The following ANK3 variants were observed in gnomAD, a reference collection of about 807,000 sequenced individuals.
ANK3 encodes the protein ankyrin-3.
In ANK3, 57 loss-of-function variants were observed where a neutral mutation model predicts 370.9. The observed-to-expected ratio is 0.15, with a 90% CI of 0.12 to 0.19. The LOEUF is 0.19. ANK3 is among the 10% of genes least tolerant of loss of function. The probability of loss-of-function intolerance (pLI) is 1.00; values close to 1 mark genes in which losing one functional copy is unlikely to be tolerated. For missense variants in ANK3, 4,439 were observed against 5,302.1 expected (o/e 0.84, Z 5.06); for synonymous variants, 1,929 against 1,946.3 (o/e 0.99, Z 0.23).
intron 2 of ANK3, among the ~76,000 whole-genome samples, chr10:60,427,533 A>G (rs993277809): frequency 6.6e-6 from 1 of 152,138 alleles, no homozygotes; most frequent in African/African-American, 2.4e-5. Flanking sequence ...GCCCTAAAAA[A>G]AAAAACCTCA....
intron 8 of ANK3, among the ~76,000 whole-genome samples, chr10:60,214,505 T>A (rs537904572): frequency 1.3e-5 from 2 of 152,126 alleles, no homozygotes; most frequent in East Asian, 3.9e-4. Context: ...CTAAGTTCCC[T>A]CCCCTCACCC....
At chr10:60,326,362 T>G (rs2049869481) in intron 1 of ANK3, among the ~76,000 whole-genome samples, 1 of 152,212 alleles carries the variant, frequency 6.6e-6, no homozygotes, top group Non-Finnish European at 1.5e-5. Flanking sequence ...AGCCTCCATG[T>G]GTCATTTGAC....
At chr10:60,179,772 G>A (rs1273174117) in intron 18 of ANK3, among the ~76,000 whole-genome samples, 7 of 151,918 alleles carry the variant, frequency 4.6e-5, no homozygotes, top group African/African-American at 1.2e-4. Flanking sequence ...CTCGTACATC[G>A]AGGGGCTGTG....
At position 60,279,043 on chromosome 10, in the gene ANK3, TACTG is replaced by T; in HGVS notation, c.315+3_315+6del. On this transcript the variant is annotated splice_donor_5th_base_variant and intron_variant, in intron 3 of 43. Coordinates refer to ENST00000280772, the MANE Select transcript of ANK3 (RefSeq NM_020987.5). ...GGTTCAAAAAGCATTAAATATGTGA[TACTG>T]ACCTTTGTAGCTGCATCCACATTGG... is the stretch of plus-strand genomic sequence containing the variant. 6.2e-7 allele frequency: 1 copy of T among 1,613,504 alleles called. No individual in the cohort carries two copies. Among genetic ancestry groups the T allele is most frequent in the East Asian group, 2.2e-5 (1 of 44,862 alleles).
chr10:60,558,128 C>T lies in ANK3; in HGVS notation c.96+57058G>A, dbSNP rs2077252234. ...AGCAAACCCCACCTATTACCCATTG[C>T]TTTGAAAAGATGAATTCAATACCTT... On this transcript the variant is annotated intron_variant, in intron 2 of 43. Coordinates refer to the ANK3 transcript ENST00000373827. Among the ~76,000 whole-genome samples, 4 of 152,290 alleles carry T rather than the reference C, an allele frequency of 2.6e-5. No homozygotes were observed. In the South Asian group the frequency reaches 8.3e-4, roughly 32 times the overall value.
intron 1 of ANK3, among the ~76,000 whole-genome samples, chr10:60,301,122 C>CTA (rs2043609425): frequency 4.1e-5 from 5 of 122,488 alleles, no homozygotes; most frequent in Admixed American, 2.4e-4. Flanking sequence ...TGAATACTTC[C>CTA]GATATATATA....
At chr10:60,497,338 T>A (rs1377983849) in intron 2 of ANK3, among the ~76,000 whole-genome samples, 1 of 152,166 alleles carries the variant, frequency 6.6e-6, no homozygotes, top group African/African-American at 2.4e-5. Context: ...ATGTGCCTAG[T>A]ATCAATCTTC....
At chr10:60,056,746 G>A (rs530325886) in intron 41 of ANK3, among the ~76,000 whole-genome samples, 2 of 152,186 alleles carry the variant, frequency 1.3e-5, no homozygotes, top group African/African-American at 4.8e-5. Flanking sequence ...ACTGCTGGCC[G>A]GACTCAGTGG....
At chr10:60,470,241 T>C (rs546879761) in intron 2 of ANK3, among the ~76,000 whole-genome samples, 8 of 152,240 alleles carry the variant, frequency 5.3e-5, no homozygotes, top group Admixed American at 2.6e-4. Flanking sequence ...TTTGTTGTTA[T>C]TTTAGTTGGA....
intron 2 of ANK3, among the ~76,000 whole-genome samples, chr10:60,573,662 T>C (rs2077645774): frequency 6.6e-6 from 1 of 152,194 alleles, no homozygotes; most frequent in South Asian, 2.1e-4. Flanking sequence ...CACAGCCAAA[T>C]TACTATTATG....
At chr10:60,323,100 A>C (rs1309239674) in intron 1 of ANK3, among the ~76,000 whole-genome samples, 1 of 152,218 alleles carries the variant, frequency 6.6e-6, no homozygotes, top group Non-Finnish European at 1.5e-5. Context: ...GAAACATCAC[A>C]GGGAATTGAA....
chr10:60,486,582 CACA>C (rs1289734767), intron 2 of ANK3, among the ~76,000 whole-genome samples: 1 of 152,084 alleles, frequency 6.6e-6, no homozygotes, highest in African/African-American at 2.4e-5. Context: ...TGTGTCTCAA[CACA>C]ACAACAATGA....
chr10:60,500,456 C>T (rs1258510617), intron 2 of ANK3, among the ~76,000 whole-genome samples: 2 of 152,112 alleles, frequency 1.3e-5, no homozygotes, highest in Non-Finnish European at 2.9e-5. Context: ...AAACCAGGTA[C>T]CTTGTGCACA....
intron 2 of ANK3, among the ~76,000 whole-genome samples, chr10:60,534,462 G>T (rs2076678416): frequency 6.6e-6 from 1 of 152,080 alleles, no homozygotes; most frequent in Non-Finnish European, 1.5e-5. Flanking sequence ...GTTCTAAATT[G>T]CAATAAGTCA....
intron 2 of ANK3, among the ~76,000 whole-genome samples, chr10:60,408,678 G>T (rs1427831090): frequency 6.6e-6 from 1 of 152,120 alleles, no homozygotes; most frequent in East Asian, 1.9e-4. Flanking sequence ...CAACATAAAA[G>T]AAAGTATCAA....
At chr10:60,337,233 T>C (rs1334224010) in intron 1 of ANK3, among the ~76,000 whole-genome samples, 1 of 152,046 alleles carries the variant, frequency 6.6e-6, no homozygotes, top group Admixed American at 6.6e-5. Flanking sequence ...AAATAGAAAA[T>C]ACTAGTTCCC....
intron 2 of ANK3, among the ~76,000 whole-genome samples, chr10:60,462,608 G>T (rs2064913388): frequency 6.8e-6 from 1 of 147,806 alleles, no homozygotes; most frequent in South Asian, 2.1e-4. Flanking sequence ...TTAAAGAGAT[G>T]GGCAGTCATG....
rs145287068 is a variant in ANK3, at chr10:60,647,567, T to C, written c.58-32343A>G. On this transcript the variant is annotated intron_variant, in intron 1 of 43. Coordinates refer to the ANK3 transcript ENST00000373827. ...CTTAGATGATACAGAAGAATCTCAA[T>C]TTAAATAAAATTTTAAATTCATAGT... 2.0e-3 allele frequency among the ~76,000 whole-genome samples: 310 copies of C among 151,806 alleles called. 1 individual carries two copies. Among genetic ancestry groups the C allele is most frequent in the African/African-American group, 7.0e-3 (291 of 41,476 alleles).
At position 60,071,773 on chromosome 10, in the gene ANK3, T is replaced by C. The variant is rs756027885; in HGVS notation, c.9108A>G (p.Pro3036=). 2 of 1,600,442 alleles carry C rather than the reference T, an allele frequency of 1.2e-6. No homozygotes were observed. The highest frequency in any genetic ancestry group is 1.1e-5 in the South Asian group (1 of 88,094). The part of the protein sequence containing the change: ...SKHQSYVGLC[P]PLEETETSPT... Reference sequence around the variant, plus strand: ...GGGAGGTTTCGGTTTCCTCGAGAGGTGGGCATAAACCTACATAACTCTGGT... The same window carrying C: ...GGGAGGTTTCGGTTTCCTCGAGAGGCGGGCATAAACCTACATAACTCTGGT... The change falls in exon 37 of 44, where the codon CCA becomes CCG. Residue 3036 remains proline (P), a synonymous_variant. Transcript: ENST00000280772.
Sources: allele counts gnomAD v4.1 joint callset (sites outside exome capture counted in the v4.1 genomes callset), GRCh38; gene constraint gnomAD v4.1.1; transcripts MANE v1.5; gene names NCBI Gene and HGNC (gene_info 2026-07-23, HGNC 2026-07-21).